ZNF225: variants seen among roughly 807,000 people sequenced by gnomAD.
The protein encoded by ZNF225 is zinc finger protein 225.
A neutral mutation model predicts 12.0 loss-of-function variants in ZNF225; 6 were observed. The ratio of observed to expected loss-of-function variants is 0.50; its 90% CI spans 0.27 to 0.98. ZNF225 has a LOEUF of 0.98. ZNF225 is among the 50% of genes least tolerant of loss of function. The pLI, the probability that ZNF225 is intolerant of heterozygous loss-of-function variation, is 0.11. For synonymous variants in ZNF225, 271 were observed against 283.2 expected (o/e 0.96, Z 0.43); for missense variants, 763 against 848.2 (o/e 0.90, Z 1.25).
intron 4 of ZNF225, among the ~76,000 whole-genome samples, chr19:44,123,967 A>T (rs1968100341): frequency 6.7e-6 from 1 of 148,290 alleles, no homozygotes; most frequent in African/African-American, 2.6e-5. Flanking sequence ...TATCTTTTGT[A>T]TTTTTTGTTT....
intron 4 of ZNF225, among the ~76,000 whole-genome samples, chr19:44,128,135 A>G (rs1027197391): frequency 3.3e-5 from 5 of 151,116 alleles, no homozygotes; most frequent in Admixed American, 2.6e-4. Context: ...CATGTACATC[A>G]CCAACCCCCG....
intron 4 of ZNF225, among the ~76,000 whole-genome samples, chr19:44,119,706 C>T (rs1968014750): frequency 6.6e-6 from 1 of 152,208 alleles, no homozygotes; most frequent in African/African-American, 2.4e-5. Flanking sequence ...GTCCCCCTTG[C>T]TGTGTAATAT....
chr19:44,133,931 A>G lies in ZNF225; in HGVS notation c.*1196A>G, dbSNP rs948106019. On this transcript the variant is annotated 3_prime_UTR_variant, in exon 5 of 5. Transcript: ENST00000262894. ...TACTAGAGATAGATTTGATTTTTAT[A>G]CTTAATGTTCTAGACTGTATCTTTT... is the stretch of plus-strand genomic sequence containing the variant. 1 of 151,868 alleles carries G rather than the reference A, an allele frequency of 6.6e-6. No individual in the cohort carries two copies. Among genetic ancestry groups the G allele is most frequent in the Non-Finnish European group, 1.5e-5 (1 of 67,978 alleles). 9.4% of individuals were successfully genotyped at this position (151,868 alleles called of 1,614,324 possible).
Position 44,132,159 on chromosome 19 carries a change from A to G in ZNF225, c.1545A>G (p.Glu515=), listed in dbSNP as rs1418236430. Residue 515 remains glutamate, a synonymous_variant, in exon 5 of 5, where the codon GAA becomes GAG. Transcript: ENST00000262894. ...GTGGAGAAAAACCATTCAAATGTGA[A>G]GAGTGTGGGAAAAGATTTACTCAGA... The part of the protein sequence containing the change: ...VHSGEKPFKC[E]ECGKRFTQNS... 6.2e-7 allele frequency: 1 copy of G among 1,614,012 alleles called. No homozygotes were observed. Among genetic ancestry groups the G allele is most frequent in the Non-Finnish European group, 8.5e-7 (1 of 1,179,996 alleles).
chr19:44,112,767 T>C (rs1967856566), upstream of ZNF225: 1 of 152,242 alleles, frequency 6.6e-6, no homozygotes, highest in Non-Finnish European at 1.5e-5. Context: ...ATGTTCCACT[T>C]TATTTACAAA....
chr19:44,130,607 A>G (rs1968225399), intron 4 of ZNF225: 2 of 336,964 alleles, frequency 5.9e-6, no homozygotes, highest in East Asian at 5.6e-5. Flanking sequence ...CTGAGGCGGG[A>G]GAATGGTGTG....
At chr19:44,126,139 G>T (rs1254224947) in intron 4 of ZNF225, among the ~76,000 whole-genome samples, 2 of 152,162 alleles carry the variant, frequency 1.3e-5, no homozygotes, top group Non-Finnish European at 2.9e-5. Flanking sequence ...ACCAGAGTTG[G>T]TTTTCTGGTT....
intron 2 of ZNF225, among the ~76,000 whole-genome samples, chr19:44,117,678 G>A (rs527513826): frequency 2.0e-5 from 3 of 152,288 alleles, no homozygotes; most frequent in African/African-American, 7.2e-5. Flanking sequence ...TTCTGGTGGA[G>A]CTCAGGAAAA....
intron 4 of ZNF225, among the ~76,000 whole-genome samples, chr19:44,120,035 T>C (rs1968022254): frequency 6.6e-6 from 1 of 152,126 alleles, no homozygotes; most frequent in Non-Finnish European, 1.5e-5. Context: ...CTGGCCAACA[T>C]GGTGAAATCC....
At chr19:44,113,212 G>C (rs1290593620), upstream of ZNF225, 1 of 152,612 alleles carries the variant, frequency 6.6e-6, no homozygotes, top group Non-Finnish European at 1.5e-5. Flanking sequence ...TGGAGTAGCG[G>C]TCAGCTTGGC....
intron 4 of ZNF225, among the ~76,000 whole-genome samples, chr19:44,120,952 A>T (rs1968042696): frequency 6.6e-6 from 1 of 151,384 alleles, no homozygotes; most frequent in Non-Finnish European, 1.5e-5. Context: ...GCTGGAGTGC[A>T]GTGGTGCCAT....
In ZNF225 at chr19:44,134,378, C is replaced by T. The variant is rs1338566282; in HGVS notation, c.*1643C>T. 6.6e-6 allele frequency: 1 copy of T among 152,174 alleles called. No homozygotes were observed. Among genetic ancestry groups the T allele is most frequent in the Non-Finnish European group, 1.5e-5 (1 of 68,050 alleles). 9.4% of individuals were successfully genotyped at this position (152,174 alleles called of 1,614,324 possible). On this transcript the variant is annotated 3_prime_UTR_variant, in exon 5 of 5. Transcript: ENST00000262894. ...AGTGTTCAGAATAACTTGAACCATG[C>T]CTACCAGTTATGGAATGGTGGCAAC... is the stretch of plus-strand genomic sequence containing the variant.
chr19:44,127,181 C>T (rs1968165209), intron 4 of ZNF225, among the ~76,000 whole-genome samples: 1 of 152,226 alleles, frequency 6.6e-6, no homozygotes, highest in African/African-American at 2.4e-5. Context: ...GCAAGAATGG[C>T]CTGCTTAGGG....
intron 4 of ZNF225, among the ~76,000 whole-genome samples, chr19:44,126,388 G>A (rs985957968): frequency 6.6e-6 from 1 of 152,196 alleles, no homozygotes; most frequent in Non-Finnish European, 1.5e-5. Flanking sequence ...CCTGTGATAT[G>A]AACTGTCTGT....
In ZNF225 at chr19:44,131,310, C is replaced by T. The variant is rs267605531; in HGVS notation, c.696C>T (p.Phe232=). Residue 232 remains phenylalanine, a synonymous_variant, in exon 5 of 5, where the codon TTC becomes TTT. Transcript: ENST00000262894. ...HQRIHTGEKP[F]KCEQCGKGFS... ...GAATCCACACTGGAGAGAAACCATT[C>T]AAATGTGAGCAGTGTGGGAAAGGCT... 1 of 1,614,150 alleles carries T rather than the reference C, an allele frequency of 6.2e-7. No homozygotes were observed. Among genetic ancestry groups the T allele is most frequent in the Non-Finnish European group, 8.5e-7 (1 of 1,180,022 alleles).
Position 44,119,067 on chromosome 19 carries a change from T to C in ZNF225, c.235+493T>C, listed in dbSNP as rs369898228. 1.8e-3 allele frequency among the ~76,000 whole-genome samples: 272 copies of C among 152,198 alleles called. 4 individuals carry two copies. In the South Asian group the frequency reaches 0.028, roughly 15 times the overall value. On this transcript the variant is annotated intron_variant, in intron 4 of 4. Transcript: ENST00000262894. Reference sequence around the variant, plus strand: ...TCCTGACCTCGTGATCCGCCCGCCTTGGCCTCCCAAAGTGCTGGGATTACA... The same window carrying C: ...TCCTGACCTCGTGATCCGCCCGCCTCGGCCTCCCAAAGTGCTGGGATTACA...
At chr19:44,129,417 G>T in intron 4 of ZNF225, 1 of 187,914 alleles carries the variant, frequency 5.3e-6, no homozygotes, top group Admixed American at 6.1e-5. Flanking sequence ...GTCCAGGGAA[G>T]TATCAAATGA....
chr19:44,114,032 T>A, intron 1 of ZNF225: 2 of 342,290 alleles, frequency 5.8e-6, no homozygotes, highest in Non-Finnish European at 1.1e-5. Flanking sequence ...CCGGACGCCT[T>A]CTGACCTCTC....
intron 4 of ZNF225, among the ~76,000 whole-genome samples, chr19:44,121,702 G>A (rs1233907427): frequency 2.6e-5 from 4 of 152,234 alleles, no homozygotes; most frequent in Admixed American, 2.6e-4. Flanking sequence ...CAGGAGTAAG[G>A]TGGTATCGCA....
Sources: gnomAD v4.1 joint callset for allele counts (sites outside exome capture counted in the v4.1 genomes callset) on GRCh38, gnomAD v4.1.1 for gene constraint, MANE v1.5 for transcripts, NCBI Gene and HGNC (gene_info 2026-07-23, HGNC 2026-07-21) for gene names.